GPN1: variants seen among roughly 807,000 people sequenced by gnomAD.
GPN1 encodes GPN-loop GTPase 1, also known as ATP(GTP)-binding protein.
In GPN1, 44 loss-of-function variants were observed where a neutral mutation model predicts 55.9. That is an observed-to-expected ratio of 0.79 (90% CI 0.62 to 1.01). The LOEUF is 1.01. Ranked by LOEUF, GPN1 falls within the 50% of genes least tolerant of loss-of-function variation. The pLI is 0.00. For synonymous variants in GPN1, 179 were observed against 162.5 expected (o/e 1.10, Z -0.77); for missense variants, 466 against 462.8 (o/e 1.01, Z -0.06).
intron 11 of GPN1, 69 bp from the exon 12 acceptor site, chr2:27,642,360 A>T (rs996403434): frequency 2.2e-6 from 2 of 895,976 alleles, no homozygotes; most frequent in Non-Finnish European, 3.7e-6. Flanking sequence ...CTTCATCTCC[A>T]CTGAGAAGTC....
At chr2:27,639,663 G>A (rs918511214) in intron 9 of GPN1, among the ~76,000 whole-genome samples, 1 of 152,004 alleles carries the variant, frequency 6.6e-6, no homozygotes, top group African/African-American at 2.4e-5. Context: ...AAGACTATAG[G>A]CGTGTGCGGT....
At chr2:27,648,212 A>G (rs900507061) in intron 13 of GPN1, among the ~76,000 whole-genome samples, 5 of 152,066 alleles carry the variant, frequency 3.3e-5, no homozygotes, top group African/African-American at 4.8e-5. Context: ...TGTTGTTATT[A>G]GTATTTTGTT....
At chr2:27,644,251 G>C (rs1674106192) in intron 12 of GPN1, among the ~76,000 whole-genome samples, 1 of 152,074 alleles carries the variant, frequency 6.6e-6, no homozygotes, top group Non-Finnish European at 1.5e-5. Context: ...ATTTTGTGGG[G>C]TGATGCTTTG....
At chr2:27,628,839 A>T, upstream of GPN1, 1 of 1,471,728 alleles carries the variant, frequency 6.8e-7, no homozygotes, top group Non-Finnish European at 9.0e-7. Context: ...AGCTCCCTTC[A>T]GCCTTCCTCT....
At position 27,643,729 on chromosome 2, in the gene GPN1, TG is replaced by T. The variant is rs1674076797; in HGVS notation, c.931+1211del. 6.6e-6 allele frequency among the ~76,000 whole-genome samples: 1 copy of T among 152,240 alleles called. No homozygotes were observed. The highest frequency in any genetic ancestry group is 1.5e-5 in the Non-Finnish European group (1 of 68,038). ...CATCCTTCAGTTTAGGTTTGTCTCA[TG>T]TTTCCTCATGATTTGATTCAGGTGA... On this transcript the variant is annotated intron_variant, in intron 12 of 13. Coordinates refer to ENST00000610189, the MANE Select transcript of GPN1 (RefSeq NM_007266.4). This position sits in a 1 kb window ranked among gnomAD's most constrained non-coding sequence, Gnocchi z 4.0.
rs1558484463 is a variant in GPN1 at position 27,629,458 on chromosome 2, C to CT, written c.111+292dup. 5.4e-6 allele frequency: 8 copies of CT among 1,482,408 alleles called. No individual in the cohort carries two copies. In the South Asian group the frequency reaches 9.7e-5, roughly 18 times the overall value. 91.8% of individuals were successfully genotyped at this position (1,482,408 alleles called of 1,614,324 possible). On this transcript the variant is annotated intron_variant, in intron 1 of 13. Coordinates refer to ENST00000610189, the MANE Select transcript of GPN1 (RefSeq NM_007266.4). ...TTTCTCGGAGGCAAGTTACAAGTAA[C>CT]TTTAAAGATTAATACAGTGCTAGCA...
At chr2:27,628,927 C>A, upstream of GPN1, 1 of 1,500,802 alleles carries the variant, frequency 6.7e-7, no homozygotes, top group Non-Finnish European at 8.9e-7. Flanking sequence ...AGAAGATGCC[C>A]TGGCAACCGC....
chr2:27,629,592 T>C (rs891150114), intron 1 of GPN1: 102 of 653,926 alleles, frequency 1.6e-4, no homozygotes, highest in African/African-American at 1.5e-3. Flanking sequence ...TGGGGCCAAA[T>C]ATTTAATGGA....
At chr2:27,629,436 C>G in intron 1 of GPN1, 1 of 1,544,064 alleles carries the variant, frequency 6.5e-7, no homozygotes, top group South Asian at 1.2e-5. Context: ...AATTGCGTTT[C>G]TCGGAGGCAA....
At position 27,635,242 on chromosome 2, in the gene GPN1, ATTG is replaced by A; in HGVS notation, c.524+12_524+14del. 7.3e-7 allele frequency: 1 copy of A among 1,375,018 alleles called. No individual in the cohort carries two copies. Among genetic ancestry groups the A allele is most frequent in the Admixed American group, 1.8e-5 (1 of 55,104 alleles). The allele number at this position is 1,375,018 out of a possible 1,614,324, so 85.2% of individuals were successfully genotyped here. ...CATGCTCTATGCCTGCAGGTAATTG[ATTG>A]TTGGTGGGGAAAGTGTTCCATCAAG... On this transcript the variant is annotated intron_variant, in intron 7 of 13. Coordinates refer to ENST00000610189, the MANE Select transcript of GPN1 (RefSeq NM_007266.4).
chr2:27,641,704 C>T (rs1558490204), intron 11 of GPN1, among the ~76,000 whole-genome samples: 1 of 152,120 alleles, frequency 6.6e-6, no homozygotes, highest in Non-Finnish European at 1.5e-5. Context: ...AGCGATCCTC[C>T]CATCTCAGCC....
chr2:27,628,769 C>A, upstream of GPN1: 1 of 1,534,476 alleles, frequency 6.5e-7, no homozygotes, highest in Non-Finnish European at 8.8e-7. Flanking sequence ...CCCATCTCTT[C>A]TGGCCTTCCT....
chr2:27,635,974 G>A (rs1673717680), intron 7 of GPN1, among the ~76,000 whole-genome samples: 2 of 152,212 alleles, frequency 1.3e-5, no homozygotes, highest in African/African-American at 4.8e-5. Context: ...CAGCACTTGG[G>A]GAGGCTGTGG....
At chr2:27,631,248 C>T in intron 3 of GPN1, 182 bp downstream of exon 3, 1 of 590,846 alleles carries the variant, frequency 1.7e-6, no homozygotes, top group East Asian at 2.8e-5. Context: ...AGTTTTCTTA[C>T]CATCTCCCCA....
rs1673564544 is a variant in GPN1, at chr2:27,631,827, T to G, written c.246-7T>G. ...TAAGCGATTTCAGTCCTCAACTTGG[T>G]GTCTAGATATGGACTTGGACCCAAT... On this transcript the variant is annotated splice_polypyrimidine_tract_variant and splice_region_variant and intron_variant, in intron 3 of 13. Coordinates refer to ENST00000610189, the MANE Select transcript of GPN1 (RefSeq NM_007266.4). 6.4e-7 allele frequency: 1 copy of G among 1,553,630 alleles called. No individual in the cohort carries two copies. The highest frequency in any genetic ancestry group is 1.1e-5 in the South Asian group (1 of 89,826).
Position 27,643,158 on chromosome 2 carries a change from A to G in GPN1, c.931+639A>G, listed in dbSNP as rs116373976. ...GTGGTTTTTTTTGTTTGTTTCTAAC[A>G]CTTTTAACCCTCCTCAATTTTTTTT... On this transcript the variant is annotated intron_variant, in intron 12 of 13. Transcript: ENST00000610189. This position sits in a 1 kb window ranked among gnomAD's most constrained non-coding sequence, Gnocchi z 4.0. Among the ~76,000 whole-genome samples the G allele has an allele frequency of 0.026, 3,951 of 150,516 alleles. 164 individuals carry two copies. The highest frequency in any genetic ancestry group is 0.092 in the African/African-American group (3,769 of 41,126).
intron 7 of GPN1, among the ~76,000 whole-genome samples, chr2:27,637,170 A>G (rs1413186534): frequency 6.6e-6 from 1 of 152,206 alleles, no homozygotes; most frequent in Non-Finnish European, 1.5e-5. Context: ...TGGTAACATA[A>G]ACAGTAGATT....
chr2:27,642,688 C>T (rs996778849), intron 12 of GPN1, among the ~76,000 whole-genome samples, 169 bp downstream of exon 12: 1 of 152,056 alleles, frequency 6.6e-6, no homozygotes, highest in Non-Finnish European at 1.5e-5. Context: ...CTCAGCCTTC[C>T]TGAGTAGCTG....
At position 27,629,094 on chromosome 2, in the gene GPN1, T is replaced by A. The variant is rs753002255; in HGVS notation, c.36T>A (p.Ala12=). 1.9e-6 allele frequency: 3 copies of A among 1,614,238 alleles called. No homozygotes were observed. The South Asian group carries it at 3.3e-5, about 18-fold the overall frequency. The stretch of plus-strand genomic sequence containing the variant: ...CCGCAGCTGCCGCTGAGCTCCAGGC[T>A]TCTGGGGGTCCGCGGCACCCAGTGT... ...AASAAAAELQ[A]SGGPRHPVCL... Residue 12 remains alanine, a synonymous_variant, in exon 1 of 14, where the codon GCT becomes GCA. Coordinates refer to ENST00000610189, the MANE Select transcript of GPN1 (RefSeq NM_007266.4).
Sources: gnomAD v4.1 joint callset for allele counts (sites outside exome capture counted in the v4.1 genomes callset) on GRCh38, gnomAD v4.1.1 for gene constraint, Gnocchi (gnomAD v3.1) non-coding constraint, MANE v1.5 for transcripts, NCBI Gene and HGNC (gene_info 2026-07-23, HGNC 2026-07-21) for gene names.